PODXL2: variants seen among roughly 807,000 people sequenced by gnomAD.
PODXL2 encodes the protein podocalyxin like 2.
PODXL2 carries 17 observed loss-of-function variants against 53.4 expected under a neutral mutation model. The ratio of observed to expected loss-of-function variants is 0.32; its 90% CI spans 0.22 to 0.48. The LOEUF is 0.48. Ranked by LOEUF, PODXL2 falls within the 20% of genes least tolerant of loss-of-function variation. The probability of loss-of-function intolerance (pLI) is 0.99; values close to 1 mark genes in which losing one functional copy is unlikely to be tolerated. For synonymous variants in PODXL2, 311 were observed against 306.7 expected (o/e 1.01, Z -0.15); for missense variants, 673 against 760.0 (o/e 0.89, Z 1.35).
In PODXL2 at chr3:127,661,996, G is replaced by C. The variant is rs548552227; in HGVS notation, c.1132-241G>C. ...CCTTTGATATAGTCCCCTACTTCCTGGGAATAATGCCTGGCCTCCTCCTCT... is the reference window on the plus strand; with the variant it reads ...CCTTTGATATAGTCCCCTACTTCCTCGGAATAATGCCTGGCCTCCTCCTCT... On this transcript the variant is annotated intron_variant, in intron 3 of 7. Transcript: ENST00000342480. Among the ~76,000 whole-genome samples the C allele has an allele frequency of 2.6e-5, 4 of 152,282 alleles. No individual in the cohort carries two copies. The South Asian group carries it at 8.3e-4, about 32-fold the overall frequency.
intron 4 of PODXL2, 91 bp downstream of exon 4, chr3:127,662,402 C>A: frequency 1.0e-6 from 1 of 954,540 alleles, no homozygotes; most frequent in Non-Finnish European, 1.6e-6. Flanking sequence ...ACAAGCAGTG[C>A]GTGGGAGAAG....
At chr3:127,663,898 C>CT (rs2074781509) in intron 4 of PODXL2, among the ~76,000 whole-genome samples, 1 of 152,154 alleles carries the variant, frequency 6.6e-6, no homozygotes, top group Non-Finnish European at 1.5e-5. Context: ...TATTAAGATG[C>CT]TTTTATTCTG....
In PODXL2 at chr3:127,671,508, G is replaced by C. The variant is rs116624783; in HGVS notation, c.1500G>C (p.Thr500=). Reference sequence around the variant, plus strand: ...GCCAGGTGCGCAGCGACTACGGCACGCTCTTCGTGGTGCTGGTGGTCATTG... The same window carrying C: ...GCCAGGTGCGCAGCGACTACGGCACCCTCTTCGTGGTGCTGGTGGTCATTG... The part of the protein sequence containing the change: ...RASQVRSDYG[T]LFVVLVVIGA... The change falls in exon 7 of 8, where the codon ACG becomes ACC. Residue 500 remains threonine, a synonymous_variant. Transcript: ENST00000342480. 3 of 1,614,112 alleles carry C rather than the reference G, an allele frequency of 1.9e-6. No homozygotes were observed. The highest frequency in any genetic ancestry group is 2.5e-6 in the Non-Finnish European group (3 of 1,180,004).
chr3:127,668,399 C>T, intron 4 of PODXL2, 42 bp from the exon 5 acceptor site: 1 of 1,464,568 alleles, frequency 6.8e-7, no homozygotes, highest in Non-Finnish European at 9.1e-7. Context: ...AGTAGAGCCC[C>T]TTTCCTTCAC....
rs137973172 is a variant in PODXL2, at chr3:127,670,383, C to T, written c.1426-1051C>T. Among the ~76,000 whole-genome samples, 858 of 152,314 alleles carry T rather than the reference C, an allele frequency of 5.6e-3. 4 individuals are homozygous for T. The highest frequency in any genetic ancestry group is 0.01 in the Non-Finnish European group (700 of 68,032). On this transcript the variant is annotated intron_variant, in intron 6 of 7. Transcript: ENST00000342480. ...CTGAGGCCCTTCCCAGTTCTGGAAT[C>T]GTGGGTCCATGAACAGTGGGGCTGC...
At chr3:127,665,798 A>G in intron 4 of PODXL2, 1 of 291,982 alleles carries the variant, frequency 3.4e-6, no homozygotes, top group Non-Finnish European at 7.0e-6. Flanking sequence ...CTGAGGCTGC[A>G]GAGTTTCTCA....
chr3:127,664,649 C>CTT (rs2074785599), intron 4 of PODXL2, among the ~76,000 whole-genome samples: 1 of 152,090 alleles, frequency 6.6e-6, no homozygotes, highest in Non-Finnish European at 1.5e-5. Context: ...TCCACATCCT[C>CTT]ATAAACACTT....
chr3:127,629,619 C>CATGTGTGTGCGTGTGCTT lies in PODXL2; in HGVS notation c.70+331_70+348dup. On this transcript the variant is annotated intron_variant, in intron 1 of 7. Coordinates refer to ENST00000342480, the MANE Select transcript of PODXL2 (RefSeq NM_015720.4). The surrounding 1 kb of genome is among the most constrained non-coding windows in gnomAD (Gnocchi z 6.4). Reference sequence around the variant, plus strand: ...GGGGGGGCGCGCACGTGTGGGTGTGCATGTGTGTGCGTGTGCTTGTGTGTG... The same window carrying CATGTGTGTGCGTGTGCTT: ...GGGGGGGCGCGCACGTGTGGGTGTGCATGTGTGTGCGTGTGCTTATGTGTGTGCGTGTGCTTGTGTGTG... 1.3e-5 allele frequency among the ~76,000 whole-genome samples: 2 copies of CATGTGTGTGCGTGTGCTT among 151,946 alleles called. No homozygotes were observed. The highest frequency in any genetic ancestry group is 3.9e-4 in the East Asian group (2 of 5,122).
At position 127,629,283 on chromosome 3, in the gene PODXL2, G is replaced by T; in HGVS notation, c.64G>T (p.Val22Phe). 1 of 1,019,038 alleles carries T rather than the reference G, an allele frequency of 9.8e-7. No individual in the cohort carries two copies. Among genetic ancestry groups the T allele is most frequent in the Non-Finnish European group, 1.2e-6 (1 of 851,450 alleles). 63.1% of individuals were successfully genotyped at this position (1,019,038 alleles called of 1,614,324 possible). A position where few individuals can be genotyped will look rare whatever the true frequency, so the allele number is the denominator to read the frequency against. Residue 22 changes from valine to phenylalanine, a missense_variant, in exon 1 of 8, where the codon GTT (valine) becomes TTT (phenylalanine). This residue lies in a region of PODXL2 where 588 missense variants were observed against 668.3 expected (regional missense o/e 0.88). Transcript: ENST00000342480. The surrounding 1 kb of genome is among the most constrained non-coding windows in gnomAD (Gnocchi z 6.4). ...GCTTTCGCCGCTGCTGCTTCTGCTG[G>T]TTGGGGGTGAGTGCGCTCCGGGCCC... The part of the protein sequence containing the change: ...PLLSPLLLLL[V>F]GGAFLGACVA...
At chr3:127,669,098 C>G (rs751313044) in intron 5 of PODXL2, 43 bp from the exon 6 acceptor site, 1 of 1,441,322 alleles carries the variant, frequency 6.9e-7, no homozygotes, top group Non-Finnish European at 9.6e-7. Context: ...GGGCACGCAC[C>G]TCAGCCATGG....
intron 2 of PODXL2, among the ~76,000 whole-genome samples, chr3:127,648,846 G>A (rs1225332808): frequency 7.0e-6 from 1 of 143,744 alleles, no homozygotes; most frequent in Admixed American, 7.2e-5. Flanking sequence ...AGGCTGGAGT[G>A]CACTGGTGCG....
At chr3:127,660,343 AAAC>A in intron 2 of PODXL2, 32 bp from the exon 3 acceptor site, 1 of 1,594,952 alleles carries the variant, frequency 6.3e-7, no homozygotes, top group Non-Finnish European at 8.6e-7. Flanking sequence ...ATGAATGATG[AAAC>A]AAGTGAATGA....
chr3:127,669,251 T>C (rs1336907020), intron 6 of PODXL2, 49 bp downstream of exon 6: 4 of 1,283,088 alleles, frequency 3.1e-6, no homozygotes, highest in Non-Finnish European at 4.5e-6. Context: ...TGCTCCCTCC[T>C]GTCTCTGTTC....
chr3:127,667,816 C>G (rs1376289242), intron 4 of PODXL2, among the ~76,000 whole-genome samples: 1 of 152,238 alleles, frequency 6.6e-6, no homozygotes, highest in East Asian at 1.9e-4. Context: ...GCTCTTCTGG[C>G]CTCCACCGCC....
rs2074529874 is a variant in PODXL2 at position 127,629,681 on chromosome 3, A to G, written c.70+392A>G. ...TGTGTGCCTGCGCACTCGGGGGAAG[A>G]GGCGTGTGTGACAGCCACGCGGGGA... On this transcript the variant is annotated intron_variant, in intron 1 of 7. Coordinates refer to ENST00000342480, the MANE Select transcript of PODXL2 (RefSeq NM_015720.4). This position sits in a 1 kb window ranked among gnomAD's most constrained non-coding sequence, Gnocchi z 6.4. Among the ~76,000 whole-genome samples, 1 of 151,832 alleles carries G rather than the reference A, an allele frequency of 6.6e-6. No homozygotes were observed. Among genetic ancestry groups the G allele is most frequent in the Non-Finnish European group, 1.5e-5 (1 of 67,948 alleles).
At chr3:127,652,497 C>T (rs916547765) in intron 2 of PODXL2, among the ~76,000 whole-genome samples, 1 of 152,214 alleles carries the variant, frequency 6.6e-6, no homozygotes, top group Admixed American at 6.5e-5. Context: ...GTCTTCTGAG[C>T]TGCAGCTTAG....
At chr3:127,670,453 C>T (rs1318282167) in intron 6 of PODXL2, among the ~76,000 whole-genome samples, 3 of 152,206 alleles carry the variant, frequency 2.0e-5, no homozygotes, top group South Asian at 4.1e-4. Context: ...CAGTCCTCCC[C>T]CTGCTTTTCG....
chr3:127,660,524 G>GAGGAAGAGGAAGAGGAGGAGAGGGAGA lies in PODXL2; in HGVS notation c.506_532dup (p.Glu169_Glu177dup). The GAGGAAGAGGAAGAGGAGGAGAGGGAGA allele has an allele frequency of 6.2e-7, 1 of 1,610,086 alleles. No homozygotes were observed. The highest frequency in any genetic ancestry group is 1.1e-5 in the South Asian group (1 of 90,894). ...TATGCCTCCCAGAGAGGAGGAAGAA[G>GAGGAAGAGGAAGAGGAGGAGAGGGAGA]AGGAAGAGGAAGAGGAGGAGAGGGA... On this transcript the variant is annotated inframe_insertion, in exon 3 of 8. Coordinates refer to ENST00000342480, the MANE Select transcript of PODXL2 (RefSeq NM_015720.4).
intron 1 of PODXL2, among the ~76,000 whole-genome samples, chr3:127,636,580 A>G (rs1375970597): frequency 6.6e-6 from 1 of 152,244 alleles, no homozygotes; most frequent in Non-Finnish European, 1.5e-5. Flanking sequence ...AGGGATTCAG[A>G]CACAGGCTCT....
Sources: allele counts gnomAD v4.1 joint callset (sites outside exome capture counted in the v4.1 genomes callset), GRCh38; gene constraint gnomAD v4.1.1; regional missense constraint gnomAD v4.1.1; non-coding constraint Gnocchi (gnomAD v3.1); transcripts MANE v1.5; gene names NCBI Gene and HGNC (gene_info 2026-07-23, HGNC 2026-07-21).